MAX: variants seen among roughly 807,000 people sequenced by gnomAD.
MAX encodes protein max.
MAX carries 3 observed loss-of-function variants against 22.3 expected under a neutral mutation model. That is an observed-to-expected ratio of 0.13 (90% CI 0.06 to 0.35). MAX has a LOEUF of 0.35. Ranked by LOEUF, MAX falls within the 10% of genes least tolerant of loss-of-function variation. The pLI is 1.00. For missense variants in MAX, 119 were observed against 209.4 expected, an observed-to-expected ratio of 0.57 and a Z score of 2.66; for synonymous variants, 72 against 77.7, an observed-to-expected ratio of 0.93 and a Z score of 0.39.
intron 3 of MAX, among the ~76,000 whole-genome samples, chr14:65,013,956 A>G (rs894444081): frequency 2.1e-4 from 32 of 152,234 alleles, no homozygotes; most frequent in Admixed American, 1.6e-3. Context: ...AAAGGCACAT[A>G]GCGAGTAAGA....
Position 65,078,178 on chromosome 14 carries a change from T to C in MAX, c.172-142A>G, listed in dbSNP as rs2063110751. 1 of 777,822 alleles carries C rather than the reference T, an allele frequency of 1.3e-6. No homozygotes were observed. Among genetic ancestry groups the C allele is most frequent in the Admixed American group, 2.7e-5 (1 of 37,328 alleles). The allele number at this position is 777,822 out of a possible 1,614,324, so 48.2% of individuals were successfully genotyped here. A position where few individuals can be genotyped will look rare whatever the true frequency, so the allele number is the denominator to read the frequency against. On this transcript the variant is annotated intron_variant, in intron 3 of 4. Coordinates refer to ENST00000358664, the MANE Select transcript of MAX (RefSeq NM_002382.5). This position sits in a 1 kb window ranked among gnomAD's most constrained non-coding sequence, Gnocchi z 6.4. The stretch of plus-strand genomic sequence containing the variant: ...AAGGCTGAAGAAATACAATAATGGC[T>C]ACTGTAGGCTTTATTTATTTATTTA...
In MAX at chr14:65,011,667, G is replaced by A. The variant is rs905426812; in HGVS notation, c.172-5383C>T. On this transcript the variant is annotated intron_variant, in intron 3 of 3. Transcript: ENST00000341653. This position sits in a 1 kb window ranked among gnomAD's most constrained non-coding sequence, Gnocchi z 4.0. The stretch of plus-strand genomic sequence containing the variant: ...GAAAGAAGTGCAGCCTCTGTGCTTT[G>A]CCCGGCCTGTGCAGGTGGCCATGGG... Among the ~76,000 whole-genome samples, 4 of 152,184 alleles carry A rather than the reference G, an allele frequency of 2.6e-5. No homozygotes were observed. The highest frequency in any genetic ancestry group is 7.2e-5 in the African/African-American group (3 of 41,442).
Position 65,062,838 on chromosome 14 carries a change from CAG to C in MAX, c.171+30868_171+30869del, listed in dbSNP as rs952363587. ...CCAGTAGAGGAAGCCGTGGGCCTAA[CAG>C]AGAGTGGGAAGAGATGTTTTCCAAG... On this transcript the variant is annotated intron_variant, in intron 3 of 3. Transcript: ENST00000341653. This position sits in a 1 kb window ranked among gnomAD's most constrained non-coding sequence, Gnocchi z 4.3. Among the ~76,000 whole-genome samples, 6 of 152,204 alleles carry C rather than the reference CAG, an allele frequency of 3.9e-5. No homozygotes were observed. The highest frequency in any genetic ancestry group is 7.2e-5 in the African/African-American group (3 of 41,452).
intron 3 of MAX, among the ~76,000 whole-genome samples, chr14:65,060,870 C>CA (rs58241887): frequency 0.016 from 1,237 of 79,498 alleles, 62 homozygotes; most frequent in Non-Finnish European, 0.02. Context: ...AAGACTCTCT[C>CA]AAAAAAAAAA....
At position 65,054,485 on chromosome 14, in the gene MAX, T is replaced by C; in HGVS notation, c.171+39223A>G. 1 of 1,305,940 alleles carries C rather than the reference T, an allele frequency of 7.7e-7. No homozygotes were observed. Among genetic ancestry groups the C allele is most frequent in the Non-Finnish European group, 1.1e-6 (1 of 937,110 alleles). 80.9% of individuals were successfully genotyped at this position (1,305,940 alleles called of 1,614,324 possible). On this transcript the variant is annotated intron_variant, in intron 3 of 3. Coordinates refer to the MAX transcript ENST00000341653. The surrounding 1 kb of genome is among the most constrained non-coding windows in gnomAD (Gnocchi z 4.4). Reference sequence around the variant, plus strand: ...ATGGAGGATGGGGGGGGACGTGTGATTGCACCAGTGGTCTCTGAATTGGTG... The same window carrying C: ...ATGGAGGATGGGGGGGGACGTGTGACTGCACCAGTGGTCTCTGAATTGGTG...
At chr14:65,102,630 C>G (rs574416730), upstream of MAX, 142 of 1,191,626 alleles carry the variant, frequency 1.2e-4, 1 homozygote, top group African/African-American at 2.0e-3. Flanking sequence ...ACAGACGGCC[C>G]GGGTAGCTCC....
intron 3 of MAX, among the ~76,000 whole-genome samples, chr14:65,055,026 G>A (rs966892583): frequency 1.3e-5 from 2 of 152,230 alleles, no homozygotes; most frequent in African/African-American, 2.4e-5. Context: ...CAGCAGGCTC[G>A]TGATAGCACT....
At chr14:65,059,094 C>T (rs910959694) in intron 3 of MAX, among the ~76,000 whole-genome samples, 1 of 152,142 alleles carries the variant, frequency 6.6e-6, no homozygotes, top group Non-Finnish European at 1.5e-5. Context: ...GTGATCATAG[C>T]TCACTGCAGC....
At chr14:65,061,155 A>T (rs980019331) in intron 3 of MAX, 2 of 1,613,100 alleles carry the variant, frequency 1.2e-6, no homozygotes, top group Non-Finnish European at 1.7e-6. Context: ...GGGGTGATTA[A>T]CTGGCACCTT....
chr14:65,084,404 A>T lies in MAX; in HGVS notation c.172-6368T>A, dbSNP rs2063274488. 5 of 726,494 alleles carry T rather than the reference A, an allele frequency of 6.9e-6. No homozygotes were observed. The South Asian group carries it at 7.7e-5, about 11-fold the overall frequency. The allele number at this position is 726,494 out of a possible 1,614,324, so 45.0% of individuals were successfully genotyped here. A position where few individuals can be genotyped will look rare whatever the true frequency, so the allele number is the denominator to read the frequency against. ...AATTAGTTACCCTCTTCCAAAAAAA[A>T]AAATTCCAGTGATAATGAAACTGGT... On this transcript the variant is annotated intron_variant, in intron 3 of 4. Transcript: ENST00000358664. The surrounding 1 kb of genome is among the most constrained non-coding windows in gnomAD (Gnocchi z 4.3).
In MAX at chr14:65,019,500, A is replaced by C. The variant is rs868280727; in HGVS notation, c.172-13216T>G. Among the ~76,000 whole-genome samples, 23 of 108,108 alleles carry C rather than the reference A, an allele frequency of 2.1e-4. 2 individuals are homozygous for C. The highest frequency in any genetic ancestry group is 9.2e-4 in the African/African-American group (22 of 23,924). 70.9% of individuals were successfully genotyped at this position (108,108 alleles called of 152,430 possible). Reference sequence around the variant, plus strand: ...AGACTGTTGTCTCAAAAAACAAACAAACAAAACATTTTTTTTAAGCTTACT... The same window carrying C: ...AGACTGTTGTCTCAAAAAACAAACACACAAAACATTTTTTTTAAGCTTACT... On this transcript the variant is annotated intron_variant, in intron 3 of 3. Coordinates refer to the MAX transcript ENST00000341653.
intron 3 of MAX, chr14:65,053,052 T>C (rs987446626): frequency 5.1e-6 from 2 of 393,016 alleles, no homozygotes; most frequent in Non-Finnish European, 8.8e-6. Flanking sequence ...TTGACACATG[T>C]CAAAGTTCAG....
At position 65,077,319 on chromosome 14, in the gene MAX, T is replaced by G; in HGVS notation, c.295+594A>C. ...TTATTTTATTTTATTTTATTTGAGG[T>G]TTTCTAACCCAGGTGGTTACTTGCA... is the stretch of plus-strand genomic sequence containing the variant. On this transcript the variant is annotated intron_variant, in intron 4 of 4. Transcript: ENST00000358664. This position sits in a 1 kb window ranked among gnomAD's most constrained non-coding sequence, Gnocchi z 6.3. 1.3e-6 allele frequency: 2 copies of G among 1,539,616 alleles called. No individual in the cohort carries two copies. The highest frequency in any genetic ancestry group is 1.8e-6 in the Non-Finnish European group (2 of 1,113,348).
At chr14:65,068,115 C>T (rs142659067) in intron 3 of MAX, among the ~76,000 whole-genome samples, 12 of 152,230 alleles carry the variant, frequency 7.9e-5, no homozygotes, top group Admixed American at 7.8e-4. Flanking sequence ...TTGAATGTGT[C>T]CTTTAGAAGG....
rs1357972076 is a variant in MAX, at chr14:65,077,071, T to C, written c.296-408A>G. The C allele has an allele frequency of 1.8e-6, 1 of 567,626 alleles. No homozygotes were observed. The highest frequency in any genetic ancestry group is 3.1e-6 in the Non-Finnish European group (1 of 320,450). The allele number at this position is 567,626 out of a possible 1,614,324, so 35.2% of individuals were successfully genotyped here. On this transcript the variant is annotated intron_variant, in intron 4 of 4. Coordinates refer to ENST00000358664, the MANE Select transcript of MAX (RefSeq NM_002382.5). The surrounding 1 kb of genome is among the most constrained non-coding windows in gnomAD (Gnocchi z 6.3). Reference sequence around the variant, plus strand: ...CAGCAGGAAAGGATGACATAAGACGTATCAGCCAAAGAACAGTTTTGGCTT... The same window carrying C: ...CAGCAGGAAAGGATGACATAAGACGCATCAGCCAAAGAACAGTTTTGGCTT...
chr14:65,058,990 A>G (rs2062803258), intron 3 of MAX, among the ~76,000 whole-genome samples: 1 of 152,178 alleles, frequency 6.6e-6, no homozygotes, highest in Admixed American at 6.5e-5. Context: ...ATAAAATTAA[A>G]TGGGTAGCTT....
rs2063874476 is a variant in MAX, at chr14:65,102,306, C to A, written c.34G>T (p.Asp12Tyr). ...AAGGAAGAAGCCCCAGGACTCACGT[C>A]GCTCTCCACCTCGATGTCATCGTTA... ...SDNDDIEVES[D>Y]EEQPRFQSAA... is the part of the protein sequence containing the mutation. Residue 12 changes from aspartate (D) to tyrosine (Y), a missense_variant and splice_region_variant, in exon 1 of 5, where the codon GAC becomes TAC. By Grantham distance (160) the Asp-to-Tyr change is radical. This residue lies in a region of MAX where 24 missense variants were observed against 42.7 expected (regional missense o/e 0.56). Coordinates refer to ENST00000358664, the MANE Select transcript of MAX (RefSeq NM_002382.5). 1 of 1,613,824 alleles carries A rather than the reference C, an allele frequency of 6.2e-7. No individual in the cohort carries two copies. Among genetic ancestry groups the A allele is most frequent in the Non-Finnish European group, 8.5e-7 (1 of 1,179,800 alleles).
At chr14:65,026,672 C>A (rs1397760156) in intron 3 of MAX, among the ~76,000 whole-genome samples, 2 of 151,998 alleles carry the variant, frequency 1.3e-5, no homozygotes, top group Non-Finnish European at 2.9e-5. Context: ...ACCAGCCTGG[C>A]CAGCATGGTG....
chr14:65,049,073 G>A (rs2062550690), intron 3 of MAX, among the ~76,000 whole-genome samples: 1 of 151,280 alleles, frequency 6.6e-6, no homozygotes, highest in African/African-American at 2.4e-5. Context: ...GTTGCAGTGA[G>A]CTGAGATCGC....
Sources: allele counts gnomAD v4.1 joint callset (sites outside exome capture counted in the v4.1 genomes callset), GRCh38; gene constraint gnomAD v4.1.1; regional missense constraint gnomAD v4.1.1; non-coding constraint Gnocchi (gnomAD v3.1); transcripts MANE v1.5; gene names NCBI Gene and HGNC (gene_info 2026-07-23, HGNC 2026-07-21).